Variants in SLIT3 observed in about 807,000 individuals in gnomAD.
SLIT3 encodes the protein slit guidance ligand 3, also known as slit homolog 3 protein.
In SLIT3, 68 loss-of-function variants were observed where a neutral mutation model predicts 184.0. That is an observed-to-expected ratio of 0.37 (90% confidence interval 0.30 to 0.45). SLIT3 has a LOEUF of 0.45. Among genes scored for constraint, SLIT3 ranks in the 20% least tolerant of loss-of-function variants. The pLI is 1.00. For synonymous variants in SLIT3, 831 were observed against 828.6 expected (o/e 1.00, Z -0.05); for missense variants, 1,707 against 2,026.0 (o/e 0.84, Z 3.02).
chr5:168,743,872 C>T (rs540562921), intron 20 of SLIT3, among the ~76,000 whole-genome samples: 1 of 152,206 alleles, frequency 6.6e-6, no homozygotes, highest in African/African-American at 2.4e-5. Flanking sequence ...GCTAAACATT[C>T]CCTCAAGCCA....
rs1307304367 is a variant in SLIT3, at chr5:168,925,922, C to T, written c.414-42586G>A. Among the ~76,000 whole-genome samples the T allele has an allele frequency of 8.5e-5, 13 of 152,182 alleles. No homozygotes were observed. In the South Asian group the frequency reaches 2.7e-3, roughly 32 times the overall value. On this transcript the variant is annotated intron_variant, in intron 4 of 35. Coordinates refer to ENST00000519560, the MANE Select transcript of SLIT3 (RefSeq NM_003062.4). ...ATGAGAGTCAACGGACAAGGGATAG[C>T]CCAGGAACCCAGTCAGGTAGAATCC...
Position 168,767,185 on chromosome 5 carries a change from T to C in SLIT3, c.1460-4496A>G, listed in dbSNP as rs375079768. On this transcript the variant is annotated intron_variant, in intron 14 of 35. Coordinates refer to ENST00000519560, the MANE Select transcript of SLIT3 (RefSeq NM_003062.4). Reference sequence around the variant, plus strand: ...ATGTTAAAAAACTACTAAGCAATGGTTGGGCTCCTGGTTCTGAGGGGTAAC... The same window carrying C: ...ATGTTAAAAAACTACTAAGCAATGGCTGGGCTCCTGGTTCTGAGGGGTAAC... Among the ~76,000 whole-genome samples, 23 of 152,328 alleles carry C rather than the reference T, an allele frequency of 1.5e-4. No individual in the cohort carries two copies. In the East Asian group the frequency reaches 3.9e-3, roughly 26 times the overall value.
intron 6 of SLIT3, among the ~76,000 whole-genome samples, chr5:168,837,046 T>C (rs778219139): frequency 1.1e-4 from 16 of 152,192 alleles, no homozygotes; most frequent in Non-Finnish European, 2.1e-4. Context: ...ATGACTGTCA[T>C]GGAACCTGGA....
At position 168,860,273 on chromosome 5, in the gene SLIT3, C is replaced by T. The variant is rs74664237; in HGVS notation, c.486-15618G>A. The stretch of plus-strand genomic sequence containing the variant: ...TTGATTGCTAACCCCTTGGGTCACA[C>T]TGTTTAGAGACAAGTGACACCTGAT... On this transcript the variant is annotated intron_variant, in intron 5 of 35. Coordinates refer to ENST00000519560, the MANE Select transcript of SLIT3 (RefSeq NM_003062.4). Among the ~76,000 whole-genome samples the T allele has an allele frequency of 9.0e-3, 1,368 of 152,244 alleles. 22 individuals are homozygous for T. The highest frequency in any genetic ancestry group is 0.032 in the African/African-American group (1,317 of 41,538).
intron 11 of SLIT3, 37 bp downstream of exon 11, chr5:168,789,522 CT>C (rs1561933941): frequency 2.6e-6 from 4 of 1,548,456 alleles, no homozygotes; most frequent in Non-Finnish European, 3.6e-6. Flanking sequence ...AGCGCCCCCC[CT>C]CCCCTCACCT....
chr5:169,021,031 A>C (rs61015255), intron 4 of SLIT3, among the ~76,000 whole-genome samples: 5 of 152,176 alleles, frequency 3.3e-5, no homozygotes, highest in Admixed American at 6.5e-5. Flanking sequence ...AGTGTGACAG[A>C]CCTGGCTTTC....
chr5:169,104,806 C>CTCA (rs1243246030), intron 4 of SLIT3, among the ~76,000 whole-genome samples: 1 of 152,186 alleles, frequency 6.6e-6, no homozygotes, highest in Non-Finnish European at 1.5e-5. Context: ...AAAGAAAACT[C>CTCA]TCAGGGGGAG....
At chr5:168,780,860 G>A (rs539360067) in intron 12 of SLIT3, among the ~76,000 whole-genome samples, 1 of 152,326 alleles carries the variant, frequency 6.6e-6, no homozygotes, top group Admixed American at 6.5e-5. Context: ...GCAACCTACT[G>A]AGGCTGGATG....
At chr5:169,158,347 A>G (rs1207715011) in intron 4 of SLIT3, among the ~76,000 whole-genome samples, 1 of 152,178 alleles carries the variant, frequency 6.6e-6, no homozygotes, top group Non-Finnish European at 1.5e-5. Context: ...GAAAGAAAAG[A>G]TCTGTCAACC....
At chr5:169,107,239 C>A (rs1308141291) in intron 4 of SLIT3, among the ~76,000 whole-genome samples, 1 of 152,180 alleles carries the variant, frequency 6.6e-6, no homozygotes, top group African/African-American at 2.4e-5. Context: ...ATCCCTGTGG[C>A]TCACACTTCT....
At position 169,300,928 on chromosome 5, in the gene SLIT3, C is replaced by T; in HGVS notation, c.-219G>A. 4.4e-6 allele frequency: 1 copy of T among 229,752 alleles called. No homozygotes were observed. Among genetic ancestry groups the T allele is most frequent in the Non-Finnish European group, 8.3e-6 (1 of 120,978 alleles). 14.2% of individuals were successfully genotyped at this position (229,752 alleles called of 1,614,324 possible). A position where few individuals can be genotyped will look rare whatever the true frequency, so the allele number is the denominator to read the frequency against. On this transcript the variant is annotated 5_prime_UTR_variant, in exon 1 of 36. Transcript: ENST00000519560. The surrounding 1 kb of genome is among the most constrained non-coding windows in gnomAD (Gnocchi z 4.1). ...ACAGCAGCTCCATCGGCGGGGCCGG[C>T]GCTGCCCCGCTGCGCATCGCTGGGA...
intron 4 of SLIT3, among the ~76,000 whole-genome samples, chr5:168,951,940 G>T (rs1248811441): frequency 6.6e-6 from 1 of 152,178 alleles, no homozygotes; most frequent in Middle Eastern, 3.2e-3. Flanking sequence ...GAGAAACAAA[G>T]TGGGAAGGTC....
chr5:168,870,590 G>A (rs1198707724), intron 5 of SLIT3, among the ~76,000 whole-genome samples: 1 of 152,122 alleles, frequency 6.6e-6, no homozygotes, highest in Admixed American at 6.5e-5. Context: ...CCCTGCCACG[G>A]AATTTTACCT....
At chr5:168,783,880 T>A (rs1308027436) in intron 12 of SLIT3, among the ~76,000 whole-genome samples, 1 of 152,152 alleles carries the variant, frequency 6.6e-6, no homozygotes, top group Non-Finnish European at 1.5e-5. Context: ...TGCTTCCTCT[T>A]TACCCCAAGC....
chr5:169,018,174 C>T (rs1307836347), intron 4 of SLIT3, among the ~76,000 whole-genome samples: 1 of 152,208 alleles, frequency 6.6e-6, no homozygotes. Context: ...TGAGGCAGAT[C>T]CCTGGGACGG....
At chr5:168,901,100 C>A (rs1175379908) in intron 4 of SLIT3, among the ~76,000 whole-genome samples, 1 of 152,174 alleles carries the variant, frequency 6.6e-6, no homozygotes. Context: ...CAGTGGCTCA[C>A]ATCTGTAATC....
At chr5:169,049,587 A>C (rs17734605) in intron 4 of SLIT3, among the ~76,000 whole-genome samples, 18,208 of 152,208 alleles carry the variant, frequency 0.12, 1,388 homozygotes, top group East Asian at 0.43. Flanking sequence ...ATAGTCAGGA[A>C]CAGAACATCA....
chr5:169,125,026 T>G (rs936936272), intron 4 of SLIT3, among the ~76,000 whole-genome samples: 2 of 152,044 alleles, frequency 1.3e-5, no homozygotes. Context: ...GTTTTTATTT[T>G]TTTGTTTTGT....
At position 168,673,313 on chromosome 5, in the gene SLIT3, A is replaced by G. The variant is rs554504094; in HGVS notation, c.3705T>C (p.Asp1235=). ...TTVYSVETVN[D]GQFHSVELVT... ...CCAGCTCCACACTGTGAAACTGCCC[A>G]TCATTCACTGTCTCCACACTGGCCA... The change falls in exon 33 of 36, where the codon GAT becomes GAC. Residue 1235 remains aspartate (D), a synonymous_variant. Transcript: ENST00000519560. 1.9e-6 allele frequency: 3 copies of G among 1,614,200 alleles called. No individual in the cohort carries two copies. The highest frequency in any genetic ancestry group is 2.7e-5 in the African/African-American group (2 of 75,050).
Sources: gnomAD v4.1 joint callset for allele counts (sites outside exome capture counted in the v4.1 genomes callset) on GRCh38, gnomAD v4.1.1 for gene constraint, Gnocchi (gnomAD v3.1) non-coding constraint, MANE v1.5 for transcripts, NCBI Gene and HGNC (gene_info 2026-07-23, HGNC 2026-07-21) for gene names.